LOC400499: variants seen among roughly 807,000 people sequenced by gnomAD.
the LOC400499 span, among the ~76,000 whole-genome samples, chr16:11,484,287 G>A: frequency 1.1e-4 from 16 of 152,162 alleles, no homozygotes; most frequent in East Asian, 7.7e-4. Context: ...GATTACAGGC[G>A]TGAGCCACTA....
At chr16:11,458,563 T>A in the LOC400499 span, among the ~76,000 whole-genome samples, 1 of 150,506 alleles carries the variant, frequency 6.6e-6, no homozygotes, top group Non-Finnish European at 1.5e-5. Context: ...GCTAGAGTAG[T>A]CAAAAATCCG....
the LOC400499 span, among the ~76,000 whole-genome samples, chr16:11,514,785 C>T: frequency 6.6e-6 from 1 of 152,184 alleles, no homozygotes; most frequent in South Asian, 2.1e-4. Flanking sequence ...CGAGGGGAAA[C>T]AAGAAAGTCT....
the LOC400499 span, among the ~76,000 whole-genome samples, chr16:11,423,635 T>C: frequency 1.3e-5 from 2 of 152,174 alleles, no homozygotes; most frequent in Non-Finnish European, 2.9e-5. Context: ...CTCACTCACA[T>C]TCCCTCTCCC....
the LOC400499 span, among the ~76,000 whole-genome samples, chr16:11,373,491 G>T: frequency 6.6e-6 from 1 of 152,018 alleles, no homozygotes; most frequent in Admixed American, 6.6e-5. Flanking sequence ...CTGCCACCAC[G>T]CCCGGCTAAT....
At chr16:11,377,734 T>G in the LOC400499 span, among the ~76,000 whole-genome samples, 2 of 152,266 alleles carry the variant, frequency 1.3e-5, no homozygotes, top group Non-Finnish European at 2.9e-5. Context: ...CTTTTGCATC[T>G]GTATTTATCA....
the LOC400499 span, chr16:11,515,901 G>A: frequency 7.5e-6 from 1 of 133,314 alleles, no homozygotes. Flanking sequence ...GCCTAGCCCA[G>A]CCCAGCCCAG....
chr16:11,420,197 A>G, the LOC400499 span, among the ~76,000 whole-genome samples: 1 of 151,408 alleles, frequency 6.6e-6, no homozygotes, highest in Non-Finnish European at 1.5e-5. Context: ...ACCAACCCAA[A>G]TGTCCAACTA....
the LOC400499 span, among the ~76,000 whole-genome samples, chr16:11,419,662 G>T: frequency 2.0e-5 from 3 of 152,082 alleles, no homozygotes; most frequent in Non-Finnish European, 4.4e-5. Context: ...GAGTGAACAG[G>T]CAACCTCCAA....
chr16:11,435,817 C>T, the LOC400499 span: 1 of 399,348 alleles, frequency 2.5e-6, no homozygotes. Flanking sequence ...CCCGGCCAGA[C>T]ATTTGCACAG....
At chr16:11,404,852 G>A in the LOC400499 span, 1 of 399,010 alleles carries the variant, frequency 2.5e-6, no homozygotes, top group East Asian at 3.6e-5. Flanking sequence ...ACAGCTCCCT[G>A]GGAAGAGCGC....
At chr16:11,446,655 T>C in the LOC400499 span, 59 of 1,535,718 alleles carry the variant, frequency 3.8e-5, no homozygotes, top group Non-Finnish European at 4.9e-5. Context: ...GACAACCACA[T>C]ACATGTACAC....
At chr16:11,436,589 T>C in the LOC400499 span, among the ~76,000 whole-genome samples, 4 of 152,066 alleles carry the variant, frequency 2.6e-5, no homozygotes, top group African/African-American at 7.2e-5. Flanking sequence ...AGTTTTTTTT[T>C]TTTTCTTTTC....
At chr16:11,495,872 C>G in the LOC400499 span, among the ~76,000 whole-genome samples, 1 of 152,148 alleles carries the variant, frequency 6.6e-6, no homozygotes, top group Non-Finnish European at 1.5e-5. Flanking sequence ...GAGACTTAAC[C>G]CAGGAGAGGC....
At chr16:11,472,904 G>A in the LOC400499 span, 22 of 152,202 alleles carry the variant, frequency 1.4e-4, no homozygotes, top group Admixed American at 7.8e-4. Flanking sequence ...AAGGCGGGTG[G>A]ATCACCTGAG....
the LOC400499 span, chr16:11,412,823 C>T: frequency 2.5e-6 from 1 of 399,212 alleles, no homozygotes. Context: ...CTCCTCTCCT[C>T]CTGGGGGCCC....
the LOC400499 span, among the ~76,000 whole-genome samples, chr16:11,504,796 G>C: frequency 6.6e-6 from 1 of 152,100 alleles, no homozygotes; most frequent in Non-Finnish European, 1.5e-5. Context: ...GGTGGCATGA[G>C]CCTGTAATTC....
At chr16:11,510,941 T>C in the LOC400499 span, among the ~76,000 whole-genome samples, 1 of 151,192 alleles carries the variant, frequency 6.6e-6, no homozygotes, top group African/African-American at 2.4e-5. Context: ...GCCAGGATGA[T>C]GTGAACCAGT....
At chr16:11,507,103 C>G in the LOC400499 span, among the ~76,000 whole-genome samples, 1 of 152,210 alleles carries the variant, frequency 6.6e-6, no homozygotes, top group African/African-American at 2.4e-5. Context: ...CTGAGCCACC[C>G]CTGCCAGGGG....
the LOC400499 span, among the ~76,000 whole-genome samples, chr16:11,430,485 A>G: frequency 2.0e-5 from 3 of 152,256 alleles, no homozygotes; most frequent in East Asian, 5.8e-4. Flanking sequence ...AGCAAAACTC[A>G]GTCTCAAAAA....
Sources: gnomAD v4.1 joint callset for allele counts (sites outside exome capture counted in the v4.1 genomes callset) on GRCh38, gnomAD v4.1.1 for gene constraint, MANE v1.5 for transcripts.